R3HDM1: variants seen among roughly 807,000 people sequenced by gnomAD.
The protein encoded by R3HDM1 is R3H domain containing 1.
R3HDM1 carries 46 observed loss-of-function variants against 141.1 expected under a neutral mutation model. The ratio of observed to expected loss-of-function variants is 0.33; its 90% CI spans 0.26 to 0.42. R3HDM1 has a LOEUF of 0.42. Ranked by LOEUF, R3HDM1 falls within the 10% of genes least tolerant of loss-of-function variation. The pLI, the probability that R3HDM1 is intolerant of heterozygous loss-of-function variation, is 1.00. For synonymous variants in R3HDM1, 435 were observed against 472.9 expected (o/e 0.92, Z 1.04); for missense variants, 1,184 against 1,368.3 (o/e 0.87, Z 2.12).
chr2:135,664,396 C>T (rs1408199391), intron 19 of R3HDM1, among the ~76,000 whole-genome samples: 1 of 152,028 alleles, frequency 6.6e-6, no homozygotes, highest in Admixed American at 6.6e-5. Context: ...AATTATTCAA[C>T]CAAATAATGA....
chr2:135,592,645 A>G (rs1174940106), intron 1 of R3HDM1, among the ~76,000 whole-genome samples: 1 of 152,140 alleles, frequency 6.6e-6, no homozygotes, highest in Non-Finnish European at 1.5e-5. Flanking sequence ...CTCAGTTTCC[A>G]GGAATCCAAA....
intron 1 of R3HDM1, chr2:135,597,114 C>T: frequency 1.0e-6 from 1 of 978,152 alleles, no homozygotes; most frequent in Non-Finnish European, 1.2e-6. Context: ...TATAGTCTTA[C>T]AAGACTCCAC....
At chr2:135,635,066 C>T (rs867869811) in intron 9 of R3HDM1, among the ~76,000 whole-genome samples, 9 of 152,134 alleles carry the variant, frequency 5.9e-5, no homozygotes, top group Non-Finnish European at 8.8e-5. Context: ...GCTAAGATTT[C>T]ATAATCGTTA....
intron 1 of R3HDM1, among the ~76,000 whole-genome samples, chr2:135,582,002 G>A (rs1027687378): frequency 6.6e-6 from 1 of 152,144 alleles, no homozygotes; most frequent in Non-Finnish European, 1.5e-5. Context: ...CTTTGTAACT[G>A]TATATCCCAT....
At chr2:135,653,626 G>T (rs1161538756) in intron 18 of R3HDM1, among the ~76,000 whole-genome samples, 1 of 152,036 alleles carries the variant, frequency 6.6e-6, no homozygotes, top group Non-Finnish European at 1.5e-5. Context: ...ATACGTAGGG[G>T]CTTTCTAAAT....
chr2:135,545,916 G>A (rs529581609), intron 1 of R3HDM1, among the ~76,000 whole-genome samples: 3 of 152,296 alleles, frequency 2.0e-5, no homozygotes, highest in Admixed American at 6.5e-5. Context: ...GAAGTCATCC[G>A]ATCCAACCTC....
chr2:135,722,095 G>A, intron 25 of R3HDM1, 89 bp downstream of exon 25: 9 of 1,278,420 alleles, frequency 7.0e-6, no homozygotes, highest in Non-Finnish European at 1.0e-5. Flanking sequence ...CCACCTGTTG[G>A]CACTGCCCAA....
chr2:135,656,227 A>G (rs1273338956), intron 18 of R3HDM1, among the ~76,000 whole-genome samples: 2 of 152,166 alleles, frequency 1.3e-5, no homozygotes, highest in Non-Finnish European at 1.5e-5. Flanking sequence ...TAACATTTAA[A>G]TGGTAGATCT....
At position 135,715,789 on chromosome 2, in the gene R3HDM1, T is replaced by A. The variant is rs1039743120; in HGVS notation, c.2881+95T>A. 4 of 1,450,358 alleles carry A rather than the reference T, an allele frequency of 2.8e-6. No individual in the cohort carries two copies. In the African/African-American group the frequency reaches 5.6e-5, roughly 20 times the overall value. The allele number at this position is 1,450,358 out of a possible 1,614,324, so 89.8% of individuals were successfully genotyped here. On this transcript the variant is annotated intron_variant, in intron 24 of 26. Transcript: ENST00000683871. ...TATCTTGGTAATATTGCCTTTCTAT[T>A]TTCCATAGAGCTGCATCTTCACCTA...
At chr2:135,625,946 T>G (rs2061976146) in intron 7 of R3HDM1, among the ~76,000 whole-genome samples, 1 of 152,186 alleles carries the variant, frequency 6.6e-6, no homozygotes, top group Admixed American at 6.5e-5. Context: ...AGTGTTTCCC[T>G]GAGTTCTGTG....
intron 21 of R3HDM1, among the ~76,000 whole-genome samples, chr2:135,705,161 G>T (rs960669803): frequency 8.5e-5 from 13 of 152,176 alleles, no homozygotes; most frequent in Non-Finnish European, 1.3e-4. Flanking sequence ...TAATGAAGTT[G>T]TACATTTTTA....
At chr2:135,625,253 C>T (rs1485213719) in intron 7 of R3HDM1, among the ~76,000 whole-genome samples, 1 of 152,086 alleles carries the variant, frequency 6.6e-6, no homozygotes, top group Non-Finnish European at 1.5e-5. Flanking sequence ...AGTTCGACAC[C>T]AGCCTGACTA....
intron 1 of R3HDM1, among the ~76,000 whole-genome samples, chr2:135,578,630 CTT>C (rs1016915377): frequency 6.6e-6 from 1 of 152,122 alleles, no homozygotes; most frequent in Admixed American, 6.5e-5. Context: ...ATAACACTGA[CTT>C]GAGTGGGGAA....
intron 21 of R3HDM1, among the ~76,000 whole-genome samples, chr2:135,698,052 CAAA>C (rs1193995693): frequency 2.7e-5 from 2 of 72,924 alleles, no homozygotes; most frequent in African/African-American, 5.4e-5. Flanking sequence ...AACTCTGTCT[CAAA>C]AAAAAAAAAA....
At chr2:135,713,959 T>C (rs2075916617) in intron 23 of R3HDM1, among the ~76,000 whole-genome samples, 1 of 152,146 alleles carries the variant, frequency 6.6e-6, no homozygotes, top group Non-Finnish European at 1.5e-5. Context: ...TGAAACTGTC[T>C]TACCTTAGTG....
chr2:135,707,124 T>C (rs1259924205), intron 21 of R3HDM1, among the ~76,000 whole-genome samples: 1 of 152,252 alleles, frequency 6.6e-6, no homozygotes. Flanking sequence ...TATTTGAGAT[T>C]GATGTTTCAT....
chr2:135,567,463 G>T (rs764310320), intron 1 of R3HDM1, among the ~76,000 whole-genome samples: 3 of 152,174 alleles, frequency 2.0e-5, no homozygotes, highest in Non-Finnish European at 4.4e-5. Context: ...TGGGGAAGGG[G>T]TCTAGGGGCT....
At chr2:135,661,173 A>G (rs1296156841) in intron 18 of R3HDM1, 97 bp from the exon 19 acceptor site, 3 of 1,428,262 alleles carry the variant, frequency 2.1e-6, no homozygotes, top group Non-Finnish European at 2.8e-6. Flanking sequence ...ATTAGTGCTA[A>G]AAAGAATTAT....
rs577989116 is a variant in R3HDM1, at chr2:135,608,556, A to T, written c.171+3540A>T. On this transcript the variant is annotated intron_variant, in intron 3 of 26. Coordinates refer to ENST00000683871, the MANE Select transcript of R3HDM1 (RefSeq NM_001378107.1). Reference sequence around the variant, plus strand: ...TTGTAAAACAAAGTTAACTGTTTTAAGCATCAACAGGGAATAAGTGTTTTG... The same window carrying T: ...TTGTAAAACAAAGTTAACTGTTTTATGCATCAACAGGGAATAAGTGTTTTG... Among the ~76,000 whole-genome samples, 78 of 152,306 alleles carry T rather than the reference A, an allele frequency of 5.1e-4. 1 individual carries two copies. Among genetic ancestry groups the T allele is most frequent in the African/African-American group, 1.7e-3 (69 of 41,572 alleles).
Sources: gnomAD v4.1 joint callset for allele counts (sites outside exome capture counted in the v4.1 genomes callset) on GRCh38, gnomAD v4.1.1 for gene constraint, MANE v1.5 for transcripts, NCBI Gene and HGNC (gene_info 2026-07-23, HGNC 2026-07-21) for gene names.